The following RMDN2 variants were observed in gnomAD, a reference collection of about 807,000 sequenced individuals.
The protein encoded by RMDN2 is regulator of microtubule dynamics 2, also known as regulator of microtubule dynamics protein 2.
Under a neutral mutation model 52.8 loss-of-function variants are expected in RMDN2, and 61 were observed. The observed-to-expected ratio is 1.16, with a 90% CI of 0.94 to 1.43. The LOEUF is 1.43. Ranked by LOEUF, RMDN2 falls within the 40% of genes most tolerant of loss-of-function variation. RMDN2 has a pLI of 0.00. For missense variants in RMDN2, 592 were observed against 475.3 expected, an observed-to-expected ratio of 1.25 and a Z score of -2.28; for synonymous variants, 180 against 153.1, an observed-to-expected ratio of 1.18 and a Z score of -1.30.
chr2:38,048,628 G>T (rs1413781090), intron 10 of RMDN2, among the ~76,000 whole-genome samples: 2 of 152,240 alleles, frequency 1.3e-5, no homozygotes, highest in African/African-American at 4.8e-5. Context: ...AAGACTCAGA[G>T]TTGGAGTCAA....
intron 2 of RMDN2, chr2:37,950,745 G>T (rs1572757186): frequency 1.3e-6 from 1 of 783,094 alleles, no homozygotes; most frequent in Non-Finnish European, 2.2e-6. Context: ...CAGAGAGATT[G>T]TGCTTCATCC....
chr2:38,008,461 T>C (rs974536257), intron 10 of RMDN2, among the ~76,000 whole-genome samples: 2 of 152,254 alleles, frequency 1.3e-5, no homozygotes, highest in African/African-American at 2.4e-5. Flanking sequence ...CATTATGTAA[T>C]GGCCTTCTTT....
rs943604498 is a variant in RMDN2, at chr2:37,967,733, C to G, written c.453-6307C>G. Among the ~76,000 whole-genome samples the G allele has an allele frequency of 5.9e-5, 9 of 152,330 alleles. No individual in the cohort carries two copies. The Middle Eastern group carries it at 0.01, about 173-fold the overall frequency. On this transcript the variant is annotated intron_variant, in intron 2 of 10. Transcript: ENST00000354545. ...AGGGCAATTTTGCAAGAGTTTCTTTCAGTGGGAAATCATTAGGCTTCCACC... is the reference window on the plus strand; with the variant it reads ...AGGGCAATTTTGCAAGAGTTTCTTTGAGTGGGAAATCATTAGGCTTCCACC...
At chr2:38,032,735 A>T (rs888560180) in intron 10 of RMDN2, 2 of 152,346 alleles carry the variant, frequency 1.3e-5, no homozygotes, top group Non-Finnish European at 2.9e-5. Context: ...GCTACTCAGG[A>T]GGCTGAGGCA....
At chr2:37,931,738 G>A (rs1452256620) in intron 2 of RMDN2, among the ~76,000 whole-genome samples, 1 of 152,194 alleles carries the variant, frequency 6.6e-6, no homozygotes, top group Non-Finnish European at 1.5e-5. Context: ...GTTTTATGTG[G>A]GTTCAAGAAG....
At chr2:37,929,800 A>G (rs1244427068) in intron 2 of RMDN2, 71 bp downstream of exon 2, 7 of 1,042,670 alleles carry the variant, frequency 6.7e-6, no homozygotes, top group Non-Finnish European at 8.2e-6. Context: ...AGGTATTTTC[A>G]TTATGGGTTC....
intron 2 of RMDN2, among the ~76,000 whole-genome samples, chr2:37,966,571 G>T (rs563754325): frequency 6.6e-6 from 1 of 152,120 alleles, no homozygotes; most frequent in South Asian, 2.1e-4. Context: ...ATGAGGCCCC[G>T]TAGGTCCTTT....
rs530568596 is a variant in RMDN2 at position 38,060,154 on chromosome 2, G to A, written c.1714-6828G>A. Among the ~76,000 whole-genome samples, 77 of 150,808 alleles carry A rather than the reference G, an allele frequency of 5.1e-4. 1 individual carries two copies. The South Asian group carries it at 8.8e-3, about 17-fold the overall frequency. On this transcript the variant is annotated intron_variant, in intron 10 of 10. Transcript: ENST00000234195. ...TAGAGACAGGATTTCACTGTGTTACGCAGGATGGTCTCGATCTCCTGACCT... is the reference window on the plus strand; with the variant it reads ...TAGAGACAGGATTTCACTGTGTTACACAGGATGGTCTCGATCTCCTGACCT...
intron 5 of RMDN2, among the ~76,000 whole-genome samples, chr2:37,985,203 T>C (rs1003406225): frequency 6.6e-6 from 1 of 152,116 alleles, no homozygotes; most frequent in East Asian, 1.9e-4. Context: ...CCATAAGTAG[T>C]TCTGATTTGC....
chr2:37,977,876 A>C (rs1024345765), intron 4 of RMDN2, among the ~76,000 whole-genome samples: 1 of 150,208 alleles, frequency 6.7e-6, no homozygotes, highest in Admixed American at 6.6e-5. Context: ...ATCCCGGACG[A>C]TGGGCGGCCA....
At chr2:38,053,877 C>A (rs1433977763) in intron 10 of RMDN2, among the ~76,000 whole-genome samples, 1 of 152,166 alleles carries the variant, frequency 6.6e-6, no homozygotes, top group Non-Finnish European at 1.5e-5. Flanking sequence ...CCAGGTGACT[C>A]TAATGTGCAG....
chr2:38,024,363 T>G (rs565487366), intron 10 of RMDN2, among the ~76,000 whole-genome samples: 6 of 152,312 alleles, frequency 3.9e-5, no homozygotes, highest in Admixed American at 3.9e-4. Flanking sequence ...CAAACTGTTT[T>G]CCAAAGTGGT....
At chr2:37,947,755 C>A (rs1668340538) in intron 2 of RMDN2, among the ~76,000 whole-genome samples, 1 of 152,180 alleles carries the variant, frequency 6.6e-6, no homozygotes, top group African/African-American at 2.4e-5. Context: ...ATTCAGAGTA[C>A]TTCACGATAT....
intron 4 of RMDN2, among the ~76,000 whole-genome samples, chr2:37,979,269 T>A (rs1672987057): frequency 6.6e-6 from 1 of 152,034 alleles, no homozygotes; most frequent in Admixed American, 6.6e-5. Context: ...ATAAATAAGA[T>A]GAAGGCTGCA....
At chr2:37,938,776 A>G (rs1228720394) in intron 2 of RMDN2, among the ~76,000 whole-genome samples, 1 of 151,628 alleles carries the variant, frequency 6.6e-6, no homozygotes, top group Non-Finnish European at 1.5e-5. Flanking sequence ...TGTCTATTTG[A>G]GTCTTCTCTC....
intron 8 of RMDN2, among the ~76,000 whole-genome samples, chr2:37,999,984 G>T (rs1676097451): frequency 6.6e-6 from 1 of 152,072 alleles, no homozygotes; most frequent in Admixed American, 6.6e-5. Flanking sequence ...TTTTGTGAAG[G>T]TTACAGAAAA....
chr2:37,932,270 G>C (rs573876706), intron 2 of RMDN2, among the ~76,000 whole-genome samples: 21 of 150,684 alleles, frequency 1.4e-4, no homozygotes, highest in Non-Finnish European at 2.8e-4. Flanking sequence ...GACTCTTAAG[G>C]AGCATGCTGC....
intron 10 of RMDN2, among the ~76,000 whole-genome samples, chr2:38,058,020 G>T (rs1294828845): frequency 6.6e-6 from 1 of 152,220 alleles, no homozygotes; most frequent in Non-Finnish European, 1.5e-5. Flanking sequence ...GCCCATTGAG[G>T]CTATCTGAAC....
At chr2:38,022,706 A>AT (rs1679482351), downstream of RMDN2, among the ~76,000 whole-genome samples, 1 of 152,250 alleles carries the variant, frequency 6.6e-6, no homozygotes, top group South Asian at 2.1e-4. Flanking sequence ...AATGGCCTTC[A>AT]TTGTAACATG....
Sources: gnomAD v4.1 joint callset for allele counts (sites outside exome capture counted in the v4.1 genomes callset) on GRCh38, gnomAD v4.1.1 for gene constraint, MANE v1.5 for transcripts, NCBI Gene and HGNC (gene_info 2026-07-23, HGNC 2026-07-21) for gene names.